Variants in FBXW7 observed in about 807,000 individuals in gnomAD.
FBXW7 encodes the protein F-box/WD repeat-containing protein 7.
Under a neutral mutation model 86.3 loss-of-function variants are expected in FBXW7, and 11 were observed. The observed-to-expected ratio is 0.13, with a 90% confidence interval of 0.08 to 0.21. The LOEUF is 0.21. Among genes scored for constraint, FBXW7 ranks in the 10% least tolerant of loss-of-function variants. The pLI is 1.00. For synonymous variants in FBXW7, 313 were observed against 297.9 expected (o/e 1.05, Z -0.52); for missense variants, 488 against 847.4 (o/e 0.58, Z 5.27).
At position 152,350,106 on chromosome 4, in the gene FBXW7, G is replaced by A. The variant is rs2126649942; in HGVS notation, c.520C>T (p.His174Tyr). 1.9e-6 allele frequency: 3 copies of A among 1,556,218 alleles called. No homozygotes were observed. Among genetic ancestry groups the A allele is most frequent in the African/African-American group, 1.4e-5 (1 of 73,362 alleles). ...KTTKMKRKLD[H>Y]GSEVRSFSLG... ...GAAAAAGAGCGGACCTCAGAACCAT[G>A]GTCCAACTTTCTTTTCATCTATAAG... Residue 174 changes from histidine to tyrosine, a missense_variant, in exon 5 of 14, where the codon CAT becomes TAT. By Grantham distance (83) the His-to-Tyr change is moderately conservative. Transcript: ENST00000281708.
chr4:152,369,148 T>C (rs1035898636), intron 4 of FBXW7, among the ~76,000 whole-genome samples: 2 of 152,102 alleles, frequency 1.3e-5, no homozygotes, highest in Admixed American at 1.3e-4. Flanking sequence ...GAATTAATTA[T>C]AAATTTTACC....
At chr4:152,489,400 T>G (rs1173519977) in intron 2 of FBXW7, 2 of 152,792 alleles carry the variant, frequency 1.3e-5, no homozygotes, top group Non-Finnish European at 2.9e-5. Flanking sequence ...TTTTGGTAAT[T>G]CAGGTACCTC....
rs2126880739 is a variant in FBXW7, at chr4:152,411,626, C to T, written c.178G>A (p.Val60Ile). Residue 60 changes from valine (V) to isoleucine (I), a missense_variant, in exon 4 of 14, where the codon GTT (valine) becomes ATT (isoleucine). This residue lies in a region of FBXW7 where 230 missense variants were observed against 240.0 expected (regional missense o/e 0.96). Transcript: ENST00000281708. ...EEHTARNGEV[V>I]GVEPRPGGQN... ...CCTCCAGGTCTAGGTTCTACTCCAA[C>T]AACTTCACCATTCCTTGCAGTGTGC... 2 of 1,614,028 alleles carry T rather than the reference C, an allele frequency of 1.2e-6. No individual in the cohort carries two copies. The highest frequency in any genetic ancestry group is 1.7e-6 in the Non-Finnish European group (2 of 1,179,932).
At chr4:152,379,165 T>C (rs1208188345) in intron 4 of FBXW7, among the ~76,000 whole-genome samples, 1 of 152,128 alleles carries the variant, frequency 6.6e-6, no homozygotes, top group Non-Finnish European at 1.5e-5. Flanking sequence ...GAAAAAATAA[T>C]GCATCTTAGG....
chr4:152,435,031 A>G (rs1007293119), intron 2 of FBXW7, among the ~76,000 whole-genome samples: 3 of 131,574 alleles, frequency 2.3e-5, no homozygotes, highest in Admixed American at 8.0e-5. Flanking sequence ...TGGGTTCAGC[A>G]TGCAAAAGGT....
Position 152,332,688 on chromosome 4 carries a change from G to A in FBXW7, c.893C>T (p.Pro298Leu). 1 of 1,597,078 alleles carries A rather than the reference G, an allele frequency of 6.3e-7. No individual in the cohort carries two copies. Among genetic ancestry groups the A allele is most frequent in the Non-Finnish European group, 8.6e-7 (1 of 1,169,490 alleles). ...CTGAGCTGCTTGTAGCAGGTCTTTG[G>A]GTTCCAGGAATGAAAGCACATAGAG... Reference protein sequence around the residue: ...LALYVLSFLEPKDLLQAAQTC... With the variant: ...LALYVLSFLELKDLLQAAQTC... The change falls in exon 8 of 14, where the codon CCC becomes CTC. Residue 298 changes from proline to leucine, a missense_variant. By Grantham distance (98) the Pro-to-Leu change is moderately conservative. Around this residue, in one of 4 missense-constraint regions of FBXW7, gnomAD observed 59 missense variants for 137.9 expected, o/e 0.43. Transcript: ENST00000281708.
At chr4:152,444,184 T>C (rs1741157369) in intron 2 of FBXW7, among the ~76,000 whole-genome samples, 1 of 152,230 alleles carries the variant, frequency 6.6e-6, no homozygotes, top group South Asian at 2.1e-4. Context: ...TAAGACCATA[T>C]GCACTATATG....
chr4:152,448,825 G>C (rs1296002172), intron 2 of FBXW7, among the ~76,000 whole-genome samples: 1 of 152,120 alleles, frequency 6.6e-6, no homozygotes, highest in Non-Finnish European at 1.5e-5. Context: ...AAGAAGGTAA[G>C]GTGCTTTAAT....
chr4:152,324,311 C>A lies in FBXW7; in HGVS notation c.1728G>T (p.Thr576=). 6.2e-7 allele frequency: 1 copy of A among 1,612,954 alleles called. No individual in the cohort carries two copies. The highest frequency in any genetic ancestry group is 8.5e-7 in the Non-Finnish European group (1 of 1,179,440). The part of the protein sequence containing the change: ...WDVETGNCIH[T]LTGHQSLTSG... ...TTGTTAACGACTGGTGCCCTGTTAA[C>A]GTGTGAATGCAATTCCCTGTCTCCA... Residue 576 remains threonine, a synonymous_variant, in exon 13 of 14, where the codon ACG becomes ACT. Coordinates refer to ENST00000281708, the MANE Select transcript of FBXW7 (RefSeq NM_001349798.2).
intron 2 of FBXW7, among the ~76,000 whole-genome samples, chr4:152,502,594 C>A (rs1235783566): frequency 6.6e-6 from 1 of 151,498 alleles, no homozygotes. Flanking sequence ...AATTTTCTTA[C>A]TTTAAAAATG....
At position 152,324,184 on chromosome 4, in the gene FBXW7, C is replaced by T. The variant is rs2126475196; in HGVS notation, c.1855G>A (p.Gly619Ser). ...KTGQCLQTLQGPNKHQSAVTC... is the reference protein window; with the variant it reads ...KTGQCLQTLQSPNKHQSAVTC... ...AAAACGAAAGGTGAGTAAGACTTAC[C>T]TTGCAATGTTTGTAAACACTGTCCT... The change falls in exon 13 of 14, where the codon GGT (glycine) becomes AGT (serine). Residue 619 changes from glycine to serine, a missense_variant and splice_region_variant. This residue lies in a region of FBXW7 where 142 missense variants were observed against 406.6 expected (regional missense o/e 0.35). Coordinates refer to ENST00000281708, the MANE Select transcript of FBXW7 (RefSeq NM_001349798.2). The T allele has an allele frequency of 6.2e-7, 1 of 1,609,294 alleles. No homozygotes were observed. Among genetic ancestry groups the T allele is most frequent in the Non-Finnish European group, 8.5e-7 (1 of 1,177,642 alleles).
At position 152,330,882 on chromosome 4, in the gene FBXW7, G is replaced by C. The variant is rs2126536972; in HGVS notation, c.986-14C>G. On this transcript the variant is annotated splice_polypyrimidine_tract_variant and intron_variant, in intron 8 of 13. Transcript: ENST00000281708. ...GTTCATCAATCCCTAAAGTGTTACA[G>C]TTCAAGAGTAAATTGCCTTCACCAA... 1 of 1,607,358 alleles carries C rather than the reference G, an allele frequency of 6.2e-7. No individual in the cohort carries two copies. The highest frequency in any genetic ancestry group is 8.5e-7 in the Non-Finnish European group (1 of 1,176,798).
intron 4 of FBXW7, among the ~76,000 whole-genome samples, chr4:152,407,657 G>T (rs998784888): frequency 1.3e-5 from 2 of 152,096 alleles, no homozygotes; most frequent in Non-Finnish European, 2.9e-5. Context: ...CTATTGTTCA[G>T]AATTTATAGA....
intron 2 of FBXW7, among the ~76,000 whole-genome samples, chr4:152,527,901 C>CACACAT (rs71596295): frequency 0.013 from 1,951 of 149,220 alleles, 25 homozygotes; most frequent in Middle Eastern, 0.034. Context: ...CACACACACA[C>CACACAT]ATATATATAC....
At chr4:152,356,960 ACAGT>A (rs1244485545) in intron 4 of FBXW7, among the ~76,000 whole-genome samples, 2 of 152,222 alleles carry the variant, frequency 1.3e-5, no homozygotes, top group African/African-American at 4.8e-5. Flanking sequence ...CATTGGAAAT[ACAGT>A]CAATTAACAC....
At chr4:152,352,435 A>T (rs2126660166) in intron 4 of FBXW7, 1 of 1,612,942 alleles carries the variant, frequency 6.2e-7, no homozygotes, top group South Asian at 1.1e-5. Context: ...ATACACACAC[A>T]ATCACATAGC....
chr4:152,374,840 A>C (rs1281288463), intron 4 of FBXW7, among the ~76,000 whole-genome samples: 1 of 151,998 alleles, frequency 6.6e-6, no homozygotes, highest in Non-Finnish European at 1.5e-5. Context: ...GATGTAGAAA[A>C]ACAGGCACAA....
chr4:152,366,847 T>C (rs1733531440), intron 4 of FBXW7, among the ~76,000 whole-genome samples: 3 of 152,204 alleles, frequency 2.0e-5, no homozygotes, highest in African/African-American at 7.2e-5. Context: ...TGTGGCACTA[T>C]TCACAATAGC....
intron 2 of FBXW7, among the ~76,000 whole-genome samples, chr4:152,482,215 A>G (rs1744939980): frequency 6.6e-6 from 1 of 152,232 alleles, no homozygotes; most frequent in South Asian, 2.1e-4. Context: ...CTCACTAAAA[A>G]CTCAGTTGAT....
Sources: allele counts gnomAD v4.1 joint callset (sites outside exome capture counted in the v4.1 genomes callset), GRCh38; gene constraint gnomAD v4.1.1; regional missense constraint gnomAD v4.1.1; transcripts MANE v1.5; gene names NCBI Gene and HGNC (gene_info 2026-07-23, HGNC 2026-07-21).